The following ETV6 variants were observed in gnomAD, a reference collection of about 807,000 sequenced individuals.
The protein encoded by ETV6 is transcription factor ETV6.
A neutral mutation model predicts 51.1 loss-of-function variants in ETV6; 16 were observed. That is an observed-to-expected ratio of 0.31 (90% CI 0.21 to 0.48). ETV6 has a LOEUF of 0.48. ETV6 is among the 20% of genes least tolerant of loss of function. The pLI, the probability that ETV6 is intolerant of heterozygous loss-of-function variation, is 0.99. For missense variants in ETV6, 458 were observed against 594.8 expected, an observed-to-expected ratio of 0.77 and a Z score of 2.39; for synonymous variants, 240 against 224.1, an observed-to-expected ratio of 1.07 and a Z score of -0.64.
At chr12:11,784,811 C>T (rs1215582578) in intron 2 of ETV6, among the ~76,000 whole-genome samples, 1 of 151,448 alleles carries the variant, frequency 6.6e-6, no homozygotes, top group East Asian at 1.9e-4. Flanking sequence ...ATCCTTCCGC[C>T]GCAGCCTCCA....
intron 2 of ETV6, among the ~76,000 whole-genome samples, chr12:11,771,878 C>T (rs1184509313): frequency 1.3e-5 from 2 of 152,200 alleles, no homozygotes; most frequent in African/African-American, 4.8e-5. Context: ...AACTTGGAGT[C>T]AGGAAGCCTG....
chr12:11,728,670 T>C (rs1163722098), intron 1 of ETV6, among the ~76,000 whole-genome samples: 2 of 152,124 alleles, frequency 1.3e-5, no homozygotes, highest in South Asian at 2.1e-4. Flanking sequence ...TTTGCAGTCA[T>C]AGAGGACGCA....
chr12:11,765,073 T>A (rs1183802992), intron 2 of ETV6, among the ~76,000 whole-genome samples: 1 of 152,182 alleles, frequency 6.6e-6, no homozygotes, highest in Admixed American at 6.5e-5. Flanking sequence ...TGACTGTGGT[T>A]AAAGCTTCAC....
intron 3 of ETV6, among the ~76,000 whole-genome samples, chr12:11,845,731 A>G (rs12819709): frequency 6.6e-6 from 1 of 152,122 alleles, no homozygotes; most frequent in Admixed American, 6.5e-5. Context: ...AGTGGCTCAC[A>G]CCTGTAATCC....
intron 2 of ETV6, among the ~76,000 whole-genome samples, chr12:11,820,487 GGAGTCT>G (rs1220146175): frequency 5.9e-5 from 9 of 152,274 alleles, no homozygotes; most frequent in African/African-American, 2.2e-4. Flanking sequence ...GAAGACCGGG[GGAGTCT>G]GAGAACAGAT....
In ETV6 at chr12:11,839,123, C is replaced by T. The variant is rs200102591; in HGVS notation, c.164-17C>T. On this transcript the variant is annotated splice_polypyrimidine_tract_variant and intron_variant, in intron 2 of 7. Transcript: ENST00000396373. ...GACCTTTCTCTCTTTCTTTCTGCCT[C>T]ATGCTCTCTCCAACAGGCTTGCAGC... 5.8e-4 allele frequency: 932 copies of T among 1,610,526 alleles called. 3 individuals carry two copies. The Middle Eastern group carries it at 8.3e-3, about 14-fold the overall frequency.
chr12:11,738,846 A>G (rs1865757753), intron 1 of ETV6, among the ~76,000 whole-genome samples: 1 of 152,198 alleles, frequency 6.6e-6, no homozygotes, highest in Non-Finnish European at 1.5e-5. Context: ...GATGGTAGAA[A>G]CAAGTCATAT....
chr12:11,885,365 A>ATG (rs1947167988), intron 6 of ETV6, among the ~76,000 whole-genome samples: 2 of 152,236 alleles, frequency 1.3e-5, no homozygotes, highest in African/African-American at 4.8e-5. Flanking sequence ...AGACACTTCC[A>ATG]TGTGTGAGTC....
At chr12:11,823,365 C>G (rs1000128695) in intron 2 of ETV6, among the ~76,000 whole-genome samples, 8 of 152,036 alleles carry the variant, frequency 5.3e-5, no homozygotes, top group Non-Finnish European at 8.8e-5. Flanking sequence ...TTTCATAGTT[C>G]TGACATCTGG....
chr12:11,817,642 G>T (rs888171096), intron 2 of ETV6, among the ~76,000 whole-genome samples: 3 of 152,144 alleles, frequency 2.0e-5, no homozygotes, highest in Non-Finnish European at 4.4e-5. Context: ...AATCATTGTT[G>T]CTTTTCAAAA....
chr12:11,849,108 G>GTTGT (rs56777835), intron 3 of ETV6, among the ~76,000 whole-genome samples: 35,191 of 151,370 alleles, frequency 0.23, 4,216 homozygotes, highest in South Asian at 0.39. Context: ...CTGTTTTGGC[G>GTTGT]TTGTTTGTTT....
At chr12:11,771,340 C>A (rs1460821618) in intron 2 of ETV6, among the ~76,000 whole-genome samples, 2 of 152,208 alleles carry the variant, frequency 1.3e-5, no homozygotes, top group African/African-American at 4.8e-5. Context: ...GCTTTAAAAT[C>A]TTGAGACACC....
At chr12:11,886,390 C>T (rs757669299) in intron 7 of ETV6, among the ~76,000 whole-genome samples, 51 of 152,062 alleles carry the variant, frequency 3.4e-4, no homozygotes, top group Middle Eastern at 3.4e-3. Flanking sequence ...AGGCAACTTT[C>T]TGAACCAGTA....
chr12:11,751,619 T>A (rs953289228), intron 1 of ETV6, among the ~76,000 whole-genome samples: 2 of 152,230 alleles, frequency 1.3e-5, no homozygotes, highest in African/African-American at 4.8e-5. Flanking sequence ...TTTTAATTGA[T>A]CTAACAAACA....
chr12:11,873,937 A>G (rs55884831), intron 5 of ETV6, among the ~76,000 whole-genome samples: 7,203 of 112,300 alleles, frequency 0.064, 2,214 homozygotes, highest in Non-Finnish European at 0.092. Context: ...TAGAATGTGG[A>G]CAAGTGGAGA....
At chr12:11,827,086 A>T (rs1056359181) in intron 2 of ETV6, among the ~76,000 whole-genome samples, 21 of 150,554 alleles carry the variant, frequency 1.4e-4, no homozygotes, top group Admixed American at 4.6e-4. Flanking sequence ...ACACACACAC[A>T]CACACACACA....
At chr12:11,716,383 G>T (rs1393736327) in intron 1 of ETV6, among the ~76,000 whole-genome samples, 2 of 142,578 alleles carry the variant, frequency 1.4e-5, no homozygotes, top group East Asian at 2.2e-4. Flanking sequence ...CCGAATATGT[G>T]AAGATCAGGG....
At chr12:11,874,935 T>C (rs1344619674) in intron 5 of ETV6, among the ~76,000 whole-genome samples, 28 of 147,950 alleles carry the variant, frequency 1.9e-4, no homozygotes, top group African/African-American at 5.4e-4. Context: ...TTAGGAGATA[T>C]ACCTAATGTA....
chr12:11,708,091 G>A (rs940897604), intron 1 of ETV6, among the ~76,000 whole-genome samples: 5 of 152,012 alleles, frequency 3.3e-5, no homozygotes, highest in Non-Finnish European at 5.9e-5. Context: ...AGCATACGTC[G>A]AAAGCTGTAC....
Sources: gnomAD v4.1 joint callset for allele counts (sites outside exome capture counted in the v4.1 genomes callset) on GRCh38, gnomAD v4.1.1 for gene constraint, MANE v1.5 for transcripts, NCBI Gene and HGNC (gene_info 2026-07-23, HGNC 2026-07-21) for gene names.